TCF7L2: variants seen among roughly 807,000 people sequenced by gnomAD.
TCF7L2 encodes transcription factor 7 like 2.
Under a neutral mutation model 77.9 loss-of-function variants are expected in TCF7L2, and 23 were observed. That is an observed-to-expected ratio of 0.30 (90% confidence interval 0.21 to 0.42). The LOEUF is 0.42. Among genes scored for constraint, TCF7L2 ranks in the 10% least tolerant of loss-of-function variants. The pLI is 1.00. For synonymous variants in TCF7L2, 413 were observed against 340.2 expected, an observed-to-expected ratio of 1.21 and a Z score of -2.36; for missense variants, 654 against 793.1, an observed-to-expected ratio of 0.82 and a Z score of 2.11.
chr10:112,967,475 C>A lies in TCF7L2; in HGVS notation c.450+2851C>A, dbSNP rs145087224. ...GGTGATTCTATAGACACGTCACTTT[C>A]TTATAAAAGGTTTGGACACAATAGC... On this transcript the variant is annotated intron_variant, in intron 4 of 13. Transcript: ENST00000627217. Among the ~76,000 whole-genome samples the A allele has an allele frequency of 4.1e-3, 618 of 152,252 alleles. 5 individuals carry two copies. Among genetic ancestry groups the A allele is most frequent in the African/African-American group, 0.014 (592 of 41,534 alleles).
At position 113,157,844 on chromosome 10, in the gene TCF7L2, C is replaced by A. The variant is rs574444646; in HGVS notation, c.1270-177C>A. 1.4e-4 allele frequency: 84 copies of A among 602,870 alleles called. No homozygotes were observed. In the Middle Eastern group the frequency reaches 4.2e-3, roughly 30 times the overall value. The allele number at this position is 602,870 out of a possible 1,614,324, so 37.3% of individuals were successfully genotyped here. Reference sequence around the variant, plus strand: ...AGCGTGTGTCCCTCCAGCTGGGGTACAATGCAAGGGCATTTGGCTTGAAGC... The same window carrying A: ...AGCGTGTGTCCCTCCAGCTGGGGTAAAATGCAAGGGCATTTGGCTTGAAGC... On this transcript the variant is annotated intron_variant, in intron 11 of 13. Coordinates refer to ENST00000627217, the MANE Select transcript of TCF7L2 (RefSeq NM_001146274.2).
chr10:113,097,053 C>CA (rs2135785273), intron 5 of TCF7L2, among the ~76,000 whole-genome samples: 1 of 152,182 alleles, frequency 6.6e-6, no homozygotes, highest in Non-Finnish European at 1.5e-5. Flanking sequence ...TTTAGAAAAA[C>CA]AGAGTTGGGG....
At chr10:113,129,974 A>G (rs1276131108) in intron 5 of TCF7L2, 15 of 1,284,880 alleles carry the variant, frequency 1.2e-5, no homozygotes, top group South Asian at 2.5e-5. Flanking sequence ...TGGCACCTCA[A>G]TTTGAATTGC....
rs945206832 is a variant in TCF7L2 at position 113,143,935 on chromosome 10, C to T, written c.698C>T (p.Pro233Leu). The change falls in exon 7 of 14, where the codon CCT (proline) becomes CTT (leucine). Residue 233 changes from proline (P) to leucine (L), a missense_variant. Physicochemically the swap from Pro to Leu is moderately conservative, Grantham distance 98. This residue lies in a region of TCF7L2 where 179 missense variants were observed against 270.6 expected (regional missense o/e 0.66). Coordinates refer to ENST00000627217, the MANE Select transcript of TCF7L2 (RefSeq NM_001146274.2). ...CTTCTTCCCTCAGGAATCCCACGGC[C>T]TCCGCACCCTCCAGATATATCCCCG... 1.9e-6 allele frequency: 3 copies of T among 1,613,784 alleles called. No individual in the cohort carries two copies. In the African/African-American group the frequency reaches 4.0e-5, roughly 22 times the overall value.
At chr10:113,120,337 T>A (rs909524735) in intron 5 of TCF7L2, among the ~76,000 whole-genome samples, 6 of 152,176 alleles carry the variant, frequency 3.9e-5, no homozygotes, top group African/African-American at 1.4e-4. Flanking sequence ...TGTTAGTGGC[T>A]TTTATGGAGA....
chr10:113,064,221 G>A (rs1213522079), intron 5 of TCF7L2, among the ~76,000 whole-genome samples: 1 of 152,184 alleles, frequency 6.6e-6, no homozygotes, highest in Non-Finnish European at 1.5e-5. Flanking sequence ...GCCGGAAGGA[G>A]CCTAATACCT....
At chr10:113,048,362 T>G (rs1392805818) in intron 5 of TCF7L2, among the ~76,000 whole-genome samples, 2 of 152,278 alleles carry the variant, frequency 1.3e-5, no homozygotes, top group East Asian at 3.9e-4. Context: ...AGATTGTAAG[T>G]TTCTTGAAGC....
chr10:113,103,921 C>T (rs1219174259), intron 5 of TCF7L2, among the ~76,000 whole-genome samples: 1 of 152,154 alleles, frequency 6.6e-6, no homozygotes, highest in Non-Finnish European at 1.5e-5. Context: ...GGAGCTGGGT[C>T]AGTGTAGCTG....
At chr10:112,959,738 A>G (rs1027940113) in intron 3 of TCF7L2, among the ~76,000 whole-genome samples, 4 of 152,184 alleles carry the variant, frequency 2.6e-5, no homozygotes, top group Admixed American at 2.6e-4. Flanking sequence ...TTTATTTCCC[A>G]TTAAATGTAA....
intron 5 of TCF7L2, among the ~76,000 whole-genome samples, chr10:113,140,298 C>G (rs2068119057): frequency 6.6e-6 from 1 of 152,036 alleles, no homozygotes; most frequent in African/African-American, 2.4e-5. Flanking sequence ...TTTGGGAAAG[C>G]CTGGGCATGG....
chr10:113,153,417 C>G (rs561642883), intron 11 of TCF7L2, among the ~76,000 whole-genome samples: 7 of 152,378 alleles, frequency 4.6e-5, no homozygotes, highest in Admixed American at 1.3e-4. Flanking sequence ...GCACAGGCCT[C>G]TCATCCCCTT....
At chr10:112,967,743 C>G (rs2037314493) in intron 4 of TCF7L2, among the ~76,000 whole-genome samples, 1 of 150,602 alleles carries the variant, frequency 6.6e-6, no homozygotes, top group South Asian at 2.1e-4. Flanking sequence ...TCAAGTGATT[C>G]TCCTGCCTCA....
chr10:113,032,036 G>C (rs564383515), intron 4 of TCF7L2, among the ~76,000 whole-genome samples: 126 of 152,346 alleles, frequency 8.3e-4, no homozygotes, highest in African/African-American at 3.0e-3. Context: ...GAAATGAAGT[G>C]ACATGCCAGG....
intron 5 of TCF7L2, among the ~76,000 whole-genome samples, chr10:113,140,571 T>C (rs1056742633): frequency 2.0e-5 from 3 of 152,180 alleles, no homozygotes; most frequent in African/African-American, 7.2e-5. Context: ...TCAGGCAGTT[T>C]AGAGCTTTCT....
chr10:113,118,090 G>A (rs2064128591), intron 5 of TCF7L2, among the ~76,000 whole-genome samples: 2 of 151,984 alleles, frequency 1.3e-5, no homozygotes, highest in Admixed American at 1.3e-4. Flanking sequence ...GGACTCGCTG[G>A]GCTCAGCCCA....
At chr10:113,073,502 C>CCA (rs1203106796) in intron 5 of TCF7L2, among the ~76,000 whole-genome samples, 7 of 45,434 alleles carry the variant, frequency 1.5e-4, no homozygotes, top group Non-Finnish European at 2.6e-4. Context: ...CCGGTCTCTA[C>CCA]CAAAAAAAAA....
intron 5 of TCF7L2, among the ~76,000 whole-genome samples, chr10:113,119,280 A>G (rs1395650362): frequency 6.6e-6 from 1 of 152,118 alleles, no homozygotes; most frequent in Non-Finnish European, 1.5e-5. Flanking sequence ...TTGGTCTCCG[A>G]TGGTGATTTA....
At chr10:113,017,933 C>CT (rs1250888096) in intron 4 of TCF7L2, among the ~76,000 whole-genome samples, 8 of 152,108 alleles carry the variant, frequency 5.3e-5, no homozygotes, top group Admixed American at 1.3e-4. Context: ...AAAATGCATC[C>CT]TTTTTGCAAA....
chr10:112,962,905 TC>T (rs2035649152), intron 3 of TCF7L2, among the ~76,000 whole-genome samples: 1 of 152,188 alleles, frequency 6.6e-6, no homozygotes, highest in Non-Finnish European at 1.5e-5. Context: ...TGCCAGCGGT[TC>T]ACTTCAGATA....
Sources: allele counts gnomAD v4.1 joint callset (sites outside exome capture counted in the v4.1 genomes callset), GRCh38; gene constraint gnomAD v4.1.1; regional missense constraint gnomAD v4.1.1; transcripts MANE v1.5; gene names NCBI Gene and HGNC (gene_info 2026-07-23, HGNC 2026-07-21).